The following RGS12 variants were observed in gnomAD, a reference collection of about 807,000 sequenced individuals.
RGS12 encodes the protein regulator of G protein signaling 12.
Under a neutral mutation model 120.1 loss-of-function variants are expected in RGS12, and 66 were observed. That is an observed-to-expected ratio of 0.55 (90% confidence interval 0.45 to 0.67). RGS12 has a LOEUF of 0.67. Ranked by LOEUF, RGS12 falls within the 30% of genes least tolerant of loss-of-function variation. The probability of loss-of-function intolerance (pLI) is 0.00; values close to 1 mark genes in which losing one functional copy is unlikely to be tolerated. For synonymous variants in RGS12, 827 were observed against 804.7 expected, an observed-to-expected ratio of 1.03 and a Z score of -0.47; for missense variants, 1,859 against 1,957.7, an observed-to-expected ratio of 0.95 and a Z score of 0.95.
At chr4:3,318,765 T>A (rs1724981563) in intron 2 of RGS12, among the ~76,000 whole-genome samples, 1 of 151,926 alleles carries the variant, frequency 6.6e-6, no homozygotes, top group Non-Finnish European at 1.5e-5. Flanking sequence ...GCTGCCAGTG[T>A]GGGAGTGTGC....
intron 15 of RGS12, 76 bp from the exon 16 acceptor site, chr4:3,428,482 C>T: frequency 7.9e-7 from 1 of 1,268,786 alleles, no homozygotes; most frequent in Non-Finnish European, 1.1e-6. Context: ...ATAGAGCCTT[C>T]TACTCTCTAA....
intron 2 of RGS12, among the ~76,000 whole-genome samples, chr4:3,331,724 C>T (rs972549481): frequency 3.9e-5 from 6 of 152,170 alleles, no homozygotes; most frequent in Admixed American, 6.5e-5. Flanking sequence ...ACAGGGATCC[C>T]GGGGGCCAGC....
At chr4:3,437,017 G>C (rs1724874263) in intron 17 of RGS12, among the ~76,000 whole-genome samples, 1 of 152,208 alleles carries the variant, frequency 6.6e-6, no homozygotes, top group South Asian at 2.1e-4. Flanking sequence ...CCCCTCTGGA[G>C]GTGGTGCAGG....
At chr4:3,286,926 A>G in the RGS12 span, among the ~76,000 whole-genome samples, 2 of 152,200 alleles carry the variant, frequency 1.3e-5, no homozygotes, top group African/African-American at 2.4e-5. Context: ...AATTCCGCCC[A>G]GGCCGGGAGC....
intron 2 of RGS12, chr4:3,324,858 A>G (rs1725456631): frequency 6.6e-6 from 1 of 152,236 alleles, no homozygotes; most frequent in Admixed American, 6.5e-5. Flanking sequence ...GAGGAAAGAA[A>G]TAGTGTTATT....
chr4:3,306,305 TG>T (rs1346502483), intron 1 of RGS12, among the ~76,000 whole-genome samples: 1 of 152,202 alleles, frequency 6.6e-6, no homozygotes, highest in African/African-American at 2.4e-5. Context: ...GGCAGTGGGC[TG>T]CTCAGAGGAG....
chr4:3,373,404 G>A (rs971924249), intron 3 of RGS12, among the ~76,000 whole-genome samples: 9 of 152,228 alleles, frequency 5.9e-5, no homozygotes, highest in Admixed American at 2.0e-4. Flanking sequence ...TTTCGGGGGC[G>A]TGCCTGGGCT....
At chr4:3,363,397 C>CTA (rs934520219) in intron 3 of RGS12, among the ~76,000 whole-genome samples, 1 of 152,090 alleles carries the variant, frequency 6.6e-6, no homozygotes, top group African/African-American at 2.4e-5. Flanking sequence ...GGCTCATGCT[C>CTA]TGTTTCTTTG....
At chr4:3,362,678 G>GCTGAGTGTGT (rs1560114453) in intron 3 of RGS12, among the ~76,000 whole-genome samples, 1 of 127,474 alleles carries the variant, frequency 7.8e-6, no homozygotes, top group Non-Finnish European at 1.7e-5. Context: ...TGAGTGTGAG[G>GCTGAGTGTGT]GTGAGGGTGT....
chr4:3,370,438 C>T (rs1716850370), intron 3 of RGS12: 1 of 1,023,142 alleles, frequency 9.8e-7, no homozygotes. Context: ...TAAGGATAAG[C>T]TTTGGAAATG....
intron 2 of RGS12, among the ~76,000 whole-genome samples, chr4:3,340,494 G>A (rs746487403): frequency 7.2e-5 from 11 of 152,218 alleles, no homozygotes; most frequent in Non-Finnish European, 1.5e-4. Flanking sequence ...TGAGGCGGGC[G>A]CCCGGGGTGT....
At chr4:3,307,181 G>T (rs1724020512) in intron 1 of RGS12, among the ~76,000 whole-genome samples, 1 of 152,192 alleles carries the variant, frequency 6.6e-6, no homozygotes, top group South Asian at 2.1e-4. Context: ...CTGGTCCTAG[G>T]ATACGGCCTT....
intron 4 of RGS12, among the ~76,000 whole-genome samples, chr4:3,399,834 A>G (rs985114227): frequency 1.3e-5 from 2 of 152,210 alleles, no homozygotes; most frequent in Non-Finnish European, 2.9e-5. Context: ...CTTACACTAC[A>G]TTACATGCCT....
intron 3 of RGS12, among the ~76,000 whole-genome samples, chr4:3,352,171 G>A (rs1405148042): frequency 2.0e-5 from 3 of 152,166 alleles, no homozygotes; most frequent in African/African-American, 7.2e-5. Context: ...CCTTATACCA[G>A]AAGGGGCTTG....
At chr4:3,415,894 G>C (rs560171054) in intron 6 of RGS12, 84 bp from the exon 7 acceptor site, 1 of 1,461,300 alleles carries the variant, frequency 6.8e-7, no homozygotes, top group East Asian at 2.5e-5. Context: ...CATCTGTAGA[G>C]CCCGGGGGTG....
chr4:3,403,938 A>T (rs749485177), intron 4 of RGS12, among the ~76,000 whole-genome samples: 6 of 152,246 alleles, frequency 3.9e-5, no homozygotes, highest in Non-Finnish European at 5.9e-5. Flanking sequence ...TTCACACCCC[A>T]GTATGAGGCT....
intron 17 of RGS12, chr4:3,432,136 C>G (rs1724370977): frequency 1.0e-6 from 1 of 985,374 alleles, no homozygotes; most frequent in Admixed American, 6.1e-5. Flanking sequence ...CGTTTTGAGT[C>G]TGTTCTTCCA....
rs1490250720 is a variant in RGS12, at chr4:3,433,343, G to A, written c.4114+2388G>A. The stretch of plus-strand genomic sequence containing the variant: ...CCATTGCCATGGTGGGCAGCATGCC[G>A]GCTACGCGTGGGGGCTGCCAGCAAC... On this transcript the variant is annotated intron_variant, in intron 17 of 17. Transcript: ENST00000336727. The surrounding 1 kb of genome is among the most constrained non-coding windows in gnomAD (Gnocchi z 4.4). Among the ~76,000 whole-genome samples the A allele has an allele frequency of 2.0e-5, 3 of 152,182 alleles. No homozygotes were observed. Among genetic ancestry groups the A allele is most frequent in the Non-Finnish European group, 4.4e-5 (3 of 68,008 alleles).
At chr4:3,336,366 G>A (rs1712463903) in intron 2 of RGS12, among the ~76,000 whole-genome samples, 1 of 152,182 alleles carries the variant, frequency 6.6e-6, no homozygotes, top group South Asian at 2.1e-4. Flanking sequence ...TAGAACTACG[G>A]GTGGTTTCTG....
Sources: gnomAD v4.1 joint callset for allele counts (sites outside exome capture counted in the v4.1 genomes callset) on GRCh38, gnomAD v4.1.1 for gene constraint, Gnocchi (gnomAD v3.1) non-coding constraint, MANE v1.5 for transcripts, NCBI Gene and HGNC (gene_info 2026-07-23, HGNC 2026-07-21) for gene names.